SPATA31F1: variants seen among roughly 807,000 people sequenced by gnomAD.
SPATA31F1 encodes the protein protein SPATA31F1.
chr9:34,726,587 T>A, the SPATA31F1 span: 2 of 1,551,846 alleles, frequency 1.3e-6, no homozygotes, highest in African/African-American at 2.7e-5. Flanking sequence ...AGCTATGGTG[T>A]TTGGGCCCCG....
the SPATA31F1 span, among the ~76,000 whole-genome samples, chr9:34,727,194 G>A: frequency 2.6e-5 from 4 of 152,368 alleles, no homozygotes; most frequent in African/African-American, 7.2e-5. Context: ...AGCTTGTTGG[G>A]CAAGGCCTCA....
the SPATA31F1 span, chr9:34,726,372 C>T: frequency 6.5e-7 from 1 of 1,547,856 alleles, no homozygotes; most frequent in African/African-American, 1.4e-5. Context: ...CTCAGCACTT[C>T]AGGACTGAGA....
the SPATA31F1 span, chr9:34,727,073 T>TC: frequency 6.8e-7 from 1 of 1,475,720 alleles, no homozygotes; most frequent in East Asian, 2.5e-5. Context: ...CACTCTCCTT[T>TC]CCCAGTCCTG....
chr9:34,724,966 G>A, the SPATA31F1 span: 1 of 1,551,810 alleles, frequency 6.4e-7, no homozygotes, highest in Non-Finnish European at 8.7e-7. Flanking sequence ...GCAGCTTAGG[G>A]TGTTCAGTGA....
the SPATA31F1 span, chr9:34,727,952 C>T: frequency 6.9e-7 from 1 of 1,444,312 alleles, no homozygotes; most frequent in Non-Finnish European, 9.5e-7. Context: ...TTAGTCCTGC[C>T]CCAGGCCAAG....
chr9:34,726,623 T>C, the SPATA31F1 span: 1 of 1,551,834 alleles, frequency 6.4e-7, no homozygotes, highest in Non-Finnish European at 8.7e-7. Flanking sequence ...TTGAAATTCC[T>C]GCCCTAGCTG....
the SPATA31F1 span, chr9:34,729,275 C>G: frequency 6.4e-7 from 1 of 1,551,290 alleles, no homozygotes; most frequent in Non-Finnish European, 8.7e-7. Context: ...GTTGGGATCA[C>G]AGCCCTACCC....
chr9:34,727,793 T>C, the SPATA31F1 span, among the ~76,000 whole-genome samples: 1 of 152,208 alleles, frequency 6.6e-6, no homozygotes, highest in Non-Finnish European at 1.5e-5. Flanking sequence ...AAATCCTGAA[T>C]TGTAGAACTG....
chr9:34,727,165 G>C, the SPATA31F1 span, among the ~76,000 whole-genome samples: 1 of 152,242 alleles, frequency 6.6e-6, no homozygotes, highest in Non-Finnish European at 1.5e-5. Flanking sequence ...AGGTGTGGTG[G>C]GCTGGGCTGA....
the SPATA31F1 span, chr9:34,725,706 G>A: frequency 7.8e-6 from 12 of 1,542,430 alleles, no homozygotes; most frequent in East Asian, 4.9e-5. Flanking sequence ...GTCAGAAATG[G>A]GACATTGATC....
At chr9:34,729,232 T>C in the SPATA31F1 span, 2 of 1,523,614 alleles carry the variant, frequency 1.3e-6, no homozygotes, top group South Asian at 2.5e-5. Context: ...GGTAAGAACT[T>C]ATAGGCTTCT....
At chr9:34,724,954 G>C in the SPATA31F1 span, 1 of 1,551,662 alleles carries the variant, frequency 6.4e-7, no homozygotes, top group Non-Finnish European at 8.7e-7. Flanking sequence ...ACAAGACTCG[G>C]AGCAGCTTAG....
At chr9:34,728,880 C>A in the SPATA31F1 span, among the ~76,000 whole-genome samples, 13 of 152,304 alleles carry the variant, frequency 8.5e-5, no homozygotes, top group East Asian at 2.5e-3. Context: ...TACCTCCCAT[C>A]TGATTCACAG....
At chr9:34,728,200 C>T in the SPATA31F1 span, 10 of 869,056 alleles carry the variant, frequency 1.2e-5, no homozygotes, top group South Asian at 3.5e-5. Flanking sequence ...CTGAAAAGTC[C>T]GTACTCTAAG....
At chr9:34,725,726 T>A in the SPATA31F1 span, 1 of 1,547,396 alleles carries the variant, frequency 6.5e-7, no homozygotes. Flanking sequence ...CTGAGCTCGT[T>A]GATGGTCAGA....
chr9:34,728,967 A>G, the SPATA31F1 span, among the ~76,000 whole-genome samples: 3 of 152,198 alleles, frequency 2.0e-5, no homozygotes, highest in Non-Finnish European at 2.9e-5. Flanking sequence ...TCTAACAACC[A>G]AAGGACTTCT....
At chr9:34,725,911 G>C in the SPATA31F1 span, 1 of 1,552,024 alleles carries the variant, frequency 6.4e-7, no homozygotes, top group Middle Eastern at 1.7e-4. Context: ...TGGCAACCAG[G>C]GACTCACTGT....
the SPATA31F1 span, chr9:34,728,735 C>T: frequency 3.9e-6 from 5 of 1,290,486 alleles, no homozygotes; most frequent in East Asian, 2.5e-5. Context: ...AACTTACATA[C>T]ATTTTTCACT....
At chr9:34,726,957 G>A in the SPATA31F1 span, 93 of 1,550,636 alleles carry the variant, frequency 6.0e-5, no homozygotes, top group South Asian at 8.7e-4. Flanking sequence ...AGGATTCGCC[G>A]CACACTTCTC....
Sources: gnomAD v4.1 joint callset for allele counts (sites outside exome capture counted in the v4.1 genomes callset) on GRCh38, gnomAD v4.1.1 for gene constraint, MANE v1.5 for transcripts, NCBI Gene and HGNC (gene_info 2026-07-23, HGNC 2026-07-21) for gene names.